EYA1: variants seen among roughly 807,000 people sequenced by gnomAD.
EYA1 encodes the protein EYA transcriptional coactivator and phosphatase 1, also known as protein phosphatase EYA1.
In EYA1, 16 loss-of-function variants were observed where a neutral mutation model predicts 82.0. That is an observed-to-expected ratio of 0.20 (90% CI 0.13 to 0.30). The LOEUF (loss-of-function observed/expected upper bound fraction) is 0.30. Among genes scored for constraint, EYA1 ranks in the 10% least tolerant of loss-of-function variants. The probability of loss-of-function intolerance (pLI) is 1.00; values close to 1 mark genes in which losing one functional copy is unlikely to be tolerated. For synonymous variants in EYA1, 261 were observed against 264.4 expected (o/e 0.99, Z 0.12); for missense variants, 633 against 730.7 (o/e 0.87, Z 1.54).
chr8:71,305,434 T>A (rs1282002717), intron 7 of EYA1, among the ~76,000 whole-genome samples: 1 of 141,560 alleles, frequency 7.1e-6, no homozygotes, highest in Admixed American at 7.0e-5. Context: ...TACTCATTGG[T>A]TAAAAGGAAA....
chr8:71,455,510 T>C (rs1807814567), intron 2 of EYA1, among the ~76,000 whole-genome samples: 1 of 152,160 alleles, frequency 6.6e-6, no homozygotes, highest in Non-Finnish European at 1.5e-5. Context: ...AAATCCTCAA[T>C]AAAATACTGG....
rs781613842 is a variant in EYA1 at position 71,317,670 on chromosome 8, G to T, written c.438C>A (p.Ile146=). 4.3e-6 allele frequency: 7 copies of T among 1,614,084 alleles called. No individual in the cohort carries two copies. The highest frequency in any genetic ancestry group is 5.9e-6 in the Non-Finnish European group (7 of 1,179,968). The change falls in exon 7 of 18, where the codon ATC becomes ATA. Residue 146 remains isoleucine (I), a synonymous_variant. Coordinates refer to ENST00000340726, the MANE Select transcript of EYA1 (RefSeq NM_000503.6). ...ACTGTGACAATCCACCTTCAGTCTTGATGCCTGCCCACAATGCACCTAAAT... is the reference window on the plus strand; with the variant it reads ...ACTGTGACAATCCACCTTCAGTCTTTATGCCTGCCCACAATGCACCTAAAT... The part of the protein sequence containing the change: ...ISSYGALWAG[I]KTEGGLSQSQ...
At chr8:71,318,393 A>G (rs925208497) in intron 6 of EYA1, among the ~76,000 whole-genome samples, 2 of 152,200 alleles carry the variant, frequency 1.3e-5, no homozygotes, top group Non-Finnish European at 1.5e-5. Flanking sequence ...GTTAGTGTGA[A>G]ATATTTGACT....
intron 4 of EYA1, among the ~76,000 whole-genome samples, chr8:71,322,781 A>T (rs1011628622): frequency 6.6e-6 from 1 of 152,196 alleles, no homozygotes; most frequent in Admixed American, 6.5e-5. Flanking sequence ...ATTTGCCTGC[A>T]TTGATTTAGC....
intron 1 of EYA1, among the ~76,000 whole-genome samples, chr8:71,546,104 G>A (rs966260712): frequency 1.3e-5 from 2 of 152,048 alleles, no homozygotes; most frequent in Non-Finnish European, 2.9e-5. Context: ...GATGCCCCTA[G>A]TGCCAACAAC....
chr8:71,305,447 C>T lies in EYA1; in HGVS notation c.557-5727G>A, dbSNP rs943946405. On this transcript the variant is annotated intron_variant, in intron 7 of 17. Coordinates refer to ENST00000340726, the MANE Select transcript of EYA1 (RefSeq NM_000503.6). ...CTTACTCATTGGTTAAAAGGAAAAG[C>T]TTACCTAGTTATATAACTATTGGCC... Among the ~76,000 whole-genome samples the T allele has an allele frequency of 6.4e-5, 9 of 141,242 alleles. 1 individual carries two copies. Among genetic ancestry groups the T allele is most frequent in the African/African-American group, 1.5e-4 (6 of 40,046 alleles). 92.7% of individuals were successfully genotyped at this position (141,242 alleles called of 152,430 possible).
At chr8:71,450,540 A>G (rs2129179261) in intron 2 of EYA1, among the ~76,000 whole-genome samples, 1 of 152,354 alleles carries the variant, frequency 6.6e-6, no homozygotes, top group South Asian at 2.1e-4. Context: ...CAAAAATTAC[A>G]GATTATCATA....
intron 2 of EYA1, among the ~76,000 whole-genome samples, chr8:71,464,138 G>A (rs1474764401): frequency 6.6e-6 from 1 of 151,872 alleles, no homozygotes; most frequent in East Asian, 1.9e-4. Flanking sequence ...CCCTCCTCAG[G>A]CGCTGCTCTC....
In EYA1 at chr8:71,197,671, C is replaced by T. The variant is rs1806406293; in HGVS notation, c.*1669G>A. On this transcript the variant is annotated 3_prime_UTR_variant, in exon 18 of 18. Coordinates refer to ENST00000340726, the MANE Select transcript of EYA1 (RefSeq NM_000503.6). The stretch of plus-strand genomic sequence containing the variant: ...GTGAATTTAAACAATTTGGATAATT[C>T]ACAAATGACTATTTCTAGCAGCAAC... 6.6e-6 allele frequency: 1 copy of T among 152,606 alleles called. No homozygotes were observed. Among genetic ancestry groups the T allele is most frequent in the African/African-American group, 2.4e-5 (1 of 41,442 alleles). The allele number at this position is 152,606 out of a possible 1,614,324, so 9.5% of individuals were successfully genotyped here.
chr8:71,428,408 G>A (rs1457571604), intron 2 of EYA1, among the ~76,000 whole-genome samples: 3 of 152,176 alleles, frequency 2.0e-5, no homozygotes, highest in East Asian at 1.9e-4. Context: ...ACAATCTCAT[G>A]AGTTTAAAAT....
chr8:71,518,662 G>A (rs968025205), intron 2 of EYA1, among the ~76,000 whole-genome samples: 16 of 152,080 alleles, frequency 1.1e-4, no homozygotes, highest in African/African-American at 3.1e-4. Context: ...TGTAGAGTAT[G>A]AATCAACCCA....
intron 12 of EYA1, among the ~76,000 whole-genome samples, chr8:71,237,206 C>G (rs1005130138): frequency 3.3e-5 from 5 of 152,108 alleles, no homozygotes; most frequent in Non-Finnish European, 5.9e-5. Flanking sequence ...CTCACACTAC[C>G]ATGCCCAACT....
At chr8:71,337,896 A>G (rs1824678423) in intron 3 of EYA1, among the ~76,000 whole-genome samples, 1 of 152,226 alleles carries the variant, frequency 6.6e-6, no homozygotes, top group Non-Finnish European at 1.5e-5. Context: ...TAACAGCATG[A>G]ATCTGGAAGT....
intron 4 of EYA1, among the ~76,000 whole-genome samples, chr8:71,330,278 A>G (rs974366031): frequency 2.6e-5 from 4 of 152,166 alleles, no homozygotes; most frequent in African/African-American, 9.7e-5. Context: ...TTCATATTGC[A>G]TCTTCCCCAA....
intron 2 of EYA1, among the ~76,000 whole-genome samples, chr8:71,446,931 A>T (rs555217792): frequency 6.6e-6 from 1 of 152,260 alleles, no homozygotes; most frequent in Non-Finnish European, 1.5e-5. Context: ...GGCTTATCTT[A>T]AAGTAGCAGC....
chr8:71,360,453 T>G (rs1019557830), intron 1 of EYA1, among the ~76,000 whole-genome samples: 1 of 152,234 alleles, frequency 6.6e-6, no homozygotes, highest in African/African-American at 2.4e-5. Context: ...CACACAGCAG[T>G]GGACTTCCAT....
At chr8:71,406,499 G>C (rs924283940) in intron 2 of EYA1, among the ~76,000 whole-genome samples, 2 of 152,188 alleles carry the variant, frequency 1.3e-5, no homozygotes, top group African/African-American at 4.8e-5. Context: ...GACAGTGGGC[G>C]CAGGCCAGTG....
At chr8:71,394,099 T>C (rs1829443063) in intron 2 of EYA1, among the ~76,000 whole-genome samples, 1 of 152,242 alleles carries the variant, frequency 6.6e-6, no homozygotes, top group African/African-American at 2.4e-5. Context: ...TTTTGAGAAG[T>C]GTCTGTTCCT....
chr8:71,515,477 T>TA lies in EYA1; in HGVS notation c.33+20266_33+20267insT, dbSNP rs1435581300. On this transcript the variant is annotated intron_variant, in intron 2 of 18. Coordinates refer to the EYA1 transcript ENST00000643681. ...CTCAAAATCAAGTTGAATCTCAATA[T>TA]CAAAAAAAAAAGCCAATTAATTATG... 1.0e-4 allele frequency among the ~76,000 whole-genome samples: 15 copies of TA among 150,232 alleles called. No individual in the cohort carries two copies. The East Asian group carries it at 2.9e-3, about 29-fold the overall frequency.
Sources: gnomAD v4.1 joint callset for allele counts (sites outside exome capture counted in the v4.1 genomes callset) on GRCh38, gnomAD v4.1.1 for gene constraint, MANE v1.5 for transcripts, NCBI Gene and HGNC (gene_info 2026-07-23, HGNC 2026-07-21) for gene names.